FAM149B1: variants seen among roughly 807,000 people sequenced by gnomAD.
The protein encoded by FAM149B1 is primary cilium assembly protein FAM149B1.
Under a neutral mutation model 75.3 loss-of-function variants are expected in FAM149B1, and 56 were observed. The observed-to-expected ratio is 0.74, with a 90% CI of 0.60 to 0.93. The LOEUF (loss-of-function observed/expected upper bound fraction) is 0.93. FAM149B1 is among the 40% of genes least tolerant of loss of function. The pLI, the probability that FAM149B1 is intolerant of heterozygous loss-of-function variation, is 0.00. For synonymous variants in FAM149B1, 259 were observed against 256.1 expected, an observed-to-expected ratio of 1.01 and a Z score of -0.11; for missense variants, 639 against 708.4, an observed-to-expected ratio of 0.90 and a Z score of 1.11.
At chr10:73,228,023 A>G (rs1459926027) in intron 7 of FAM149B1, 37 bp from the exon 8 acceptor site, 1 of 1,547,172 alleles carries the variant, frequency 6.5e-7, no homozygotes, top group East Asian at 2.4e-5. Context: ...GGGCCAGAAG[A>G]TTATCCATGG....
chr10:73,200,846 A>G (rs1310946881), intron 5 of FAM149B1: 2 of 512,260 alleles, frequency 3.9e-6, no homozygotes, highest in Non-Finnish European at 7.9e-6. Flanking sequence ...ATTTTTCTCA[A>G]TACAAGGTGC....
At chr10:73,230,977 G>A (rs1027421008) in intron 9 of FAM149B1, 1 of 151,214 alleles carries the variant, frequency 6.6e-6, no homozygotes, top group Non-Finnish European at 1.4e-5. Flanking sequence ...TTTTGACATA[G>A]AAGAACGGAA....
At chr10:73,197,832 C>G (rs1285382658) in intron 5 of FAM149B1, among the ~76,000 whole-genome samples, 1 of 151,804 alleles carries the variant, frequency 6.6e-6, no homozygotes, top group Non-Finnish European at 1.5e-5. Context: ...AAACACAGGC[C>G]AGAAAAGGAT....
intron 12 of FAM149B1, among the ~76,000 whole-genome samples, chr10:73,235,916 G>T: frequency 6.6e-6 from 1 of 152,118 alleles, no homozygotes; most frequent in South Asian, 2.1e-4. Context: ...TTAAGTAATA[G>T]AAAAAACCTG....
At chr10:73,180,652 A>G (rs2042375016) in intron 3 of FAM149B1, among the ~76,000 whole-genome samples, 1 of 152,154 alleles carries the variant, frequency 6.6e-6, no homozygotes, top group African/African-American at 2.4e-5. Context: ...TCATTTCTTC[A>G]CTAGTCAGGA....
chr10:73,192,635 G>A lies in FAM149B1; in HGVS notation c.362G>A (p.Ser121Asn). The stretch of plus-strand genomic sequence containing the variant: ...GAACTCTTGTATGAGCAGAAGTTGA[G>A]TGTGCATACCAAGAGTCTACAAGAA... ...IDELLYEQKL[S>N]VHTKSLQEEC... The change falls in exon 4 of 14, where the codon AGT becomes AAT. Residue 121 changes from serine (S) to asparagine (N), a missense_variant. By Grantham distance (46) the Ser-to-Asn change is conservative (BLOSUM62 1). Transcript: ENST00000242505. 1 of 1,551,786 alleles carries A rather than the reference G, an allele frequency of 6.4e-7. No individual in the cohort carries two copies. The highest frequency in any genetic ancestry group is 8.7e-7 in the Non-Finnish European group (1 of 1,146,964).
intron 5 of FAM149B1, among the ~76,000 whole-genome samples, chr10:73,198,497 TAAC>T (rs2042858103): frequency 1.3e-5 from 2 of 152,096 alleles, no homozygotes; most frequent in Non-Finnish European, 1.5e-5. Flanking sequence ...ATCTATAACC[TAAC>T]AACAACAAAA....
intron 3 of FAM149B1, among the ~76,000 whole-genome samples, chr10:73,178,974 TG>T (rs201488717): frequency 1.1e-3 from 163 of 152,080 alleles, no homozygotes; most frequent in South Asian, 6.2e-3. Flanking sequence ...TCTTGTTTTT[TG>T]TTTTTTTTGG....
chr10:73,224,603 C>T (rs1488587951), intron 7 of FAM149B1, among the ~76,000 whole-genome samples: 1 of 151,600 alleles, frequency 6.6e-6, no homozygotes, highest in Non-Finnish European at 1.5e-5. Flanking sequence ...TCCCGAGTAG[C>T]TGGGATTACA....
chr10:73,193,622 A>G (rs567338178), intron 5 of FAM149B1, 29 bp downstream of exon 5: 7 of 1,543,696 alleles, frequency 4.5e-6, no homozygotes, highest in South Asian at 2.4e-5. Flanking sequence ...AAGTACTTCA[A>G]TGTGCCCTAA....
chr10:73,239,706 T>A (rs1307990703), intron 13 of FAM149B1, among the ~76,000 whole-genome samples: 1 of 152,144 alleles, frequency 6.6e-6, no homozygotes, highest in African/African-American at 2.4e-5. Flanking sequence ...CTTGTTGTAA[T>A]GTTCAAAATA....
chr10:73,231,730 G>T (rs910185945), intron 9 of FAM149B1, among the ~76,000 whole-genome samples: 2 of 152,112 alleles, frequency 1.3e-5, no homozygotes, highest in Non-Finnish European at 2.9e-5. Context: ...GGAAAAGATG[G>T]GTTTCTTCTG....
intron 8 of FAM149B1, 86 bp from the exon 9 acceptor site, chr10:73,230,336 G>T: frequency 1.4e-6 from 1 of 736,426 alleles, no homozygotes; most frequent in Non-Finnish European, 2.4e-6. Context: ...TAACCAAATT[G>T]GAAATATTAA....
At chr10:73,216,459 ATAAAT>A (rs1263547936) in intron 7 of FAM149B1, among the ~76,000 whole-genome samples, 1 of 151,784 alleles carries the variant, frequency 6.6e-6, no homozygotes, top group East Asian at 1.9e-4. Context: ...GAGTTGTTTT[ATAAAT>A]TATGTTTCTT....
intron 1 of FAM149B1, chr10:73,169,101 G>A (rs1444875555): frequency 6.6e-6 from 1 of 151,560 alleles, no homozygotes; most frequent in Non-Finnish European, 1.5e-5. Context: ...ATCACTTGAG[G>A]CCAGGAGTTC....
chr10:73,205,761 C>G (rs2043041295), intron 5 of FAM149B1, among the ~76,000 whole-genome samples: 1 of 152,034 alleles, frequency 6.6e-6, no homozygotes, highest in African/African-American at 2.4e-5. Context: ...ACTGTGTTGG[C>G]CAGGCTGGTC....
intron 5 of FAM149B1, among the ~76,000 whole-genome samples, chr10:73,195,045 A>G (rs1450506192): frequency 6.6e-6 from 1 of 152,228 alleles, no homozygotes; most frequent in African/African-American, 2.4e-5. Flanking sequence ...TAGTAGCAAA[A>G]TAAACCCAAA....
At chr10:73,223,470 GAATAT>G (rs1182925266) in intron 7 of FAM149B1, among the ~76,000 whole-genome samples, 3 of 152,116 alleles carry the variant, frequency 2.0e-5, no homozygotes, top group African/African-American at 4.8e-5. Context: ...GGTTTGTCTA[GAATAT>G]AATACTATTA....
intron 1 of FAM149B1, among the ~76,000 whole-genome samples, chr10:73,170,522 A>G (rs956397722): frequency 6.9e-6 from 1 of 144,992 alleles, no homozygotes; most frequent in African/African-American, 2.8e-5. Context: ...AAATAAATAA[A>G]TAAAAATAAG....
Sources: gnomAD v4.1 joint callset for allele counts (sites outside exome capture counted in the v4.1 genomes callset) on GRCh38, gnomAD v4.1.1 for gene constraint, MANE v1.5 for transcripts, NCBI Gene and HGNC (gene_info 2026-07-23, HGNC 2026-07-21) for gene names.